The following BEST4 variants were observed in gnomAD, a reference collection of about 807,000 sequenced individuals.
BEST4 encodes bestrophin 4.
A neutral mutation model predicts 47.1 loss-of-function variants in BEST4; 36 were observed. The ratio of observed to expected loss-of-function variants is 0.76; its 90% CI spans 0.59 to 1.01. The LOEUF (loss-of-function observed/expected upper bound fraction) is 1.01, where lower values mean the gene tolerates loss of function less well. Ranked by LOEUF, BEST4 falls within the 50% of genes least tolerant of loss-of-function variation. The probability of loss-of-function intolerance (pLI) is 0.00; values close to 1 mark genes in which losing one functional copy is unlikely to be tolerated. For synonymous variants in BEST4, 250 were observed against 277.8 expected (o/e 0.90, Z 1.00); for missense variants, 550 against 648.6 (o/e 0.85, Z 1.65).
intron 4 of BEST4, 144 bp from the exon 5 acceptor site, chr1:44,785,820 C>T (rs369196660): frequency 2.4e-6 from 2 of 828,382 alleles, no homozygotes; most frequent in East Asian, 2.7e-5. Context: ...TGAATCCCAG[C>T]TCTGCTAACT....
upstream of BEST4, among the ~76,000 whole-genome samples, chr1:44,790,094 C>T (rs182630253): frequency 6.6e-6 from 1 of 152,302 alleles, no homozygotes; most frequent in East Asian, 1.9e-4. Context: ...TGCCTATGGC[C>T]TAAAGCACTG....
Position 44,784,757 on chromosome 1 carries a change from C to T in BEST4, c.1020G>A (p.Met340Ile). Residue 340 changes from methionine (M) to isoleucine (I), a missense_variant, in exon 8 of 9, where the codon ATG (methionine) becomes ATA (isoleucine). By Grantham distance (10) the Met-to-Ile change is conservative. Around this residue, in one of 3 missense-constraint regions of BEST4, gnomAD observed 255 missense variants for 286.6 expected, o/e 0.89. Transcript: ENST00000372207. This position sits in a 1 kb window ranked among gnomAD's most constrained non-coding sequence, Gnocchi z 6.2. ...TCTCAGCGGGGGGAAGGTTCTGGTA[C>T]ATTTCGTCCACGGATAGCAGGGACA... ...LQVSLLSVDE[M>I]YQNLPPAEKD... 1 of 1,597,428 alleles carries T rather than the reference C, an allele frequency of 6.3e-7. No individual in the cohort carries two copies. Among genetic ancestry groups the T allele is most frequent in the Non-Finnish European group, 8.5e-7 (1 of 1,170,920 alleles).
At position 44,784,201 on chromosome 1, in the gene BEST4, G is replaced by A. The variant is rs944433624; in HGVS notation, c.*9C>T. ...GGGTGGGGGAAACCGGGCGGGGGCA[G>A]GCGAGACCTCAGGGCTCCAGGGCCT... is the stretch of plus-strand genomic sequence containing the variant. On this transcript the variant is annotated 3_prime_UTR_variant, in exon 9 of 9. Coordinates refer to ENST00000372207, the MANE Select transcript of BEST4 (RefSeq NM_153274.3). This position sits in a 1 kb window ranked among gnomAD's most constrained non-coding sequence, Gnocchi z 6.2. The A allele has an allele frequency of 7.8e-6, 11 of 1,415,172 alleles. No homozygotes were observed. In the African/African-American group the frequency reaches 1.5e-4, roughly 19 times the overall value. 87.7% of individuals were successfully genotyped at this position (1,415,172 alleles called of 1,614,324 possible).
In BEST4 at chr1:44,787,734, C is replaced by A; in HGVS notation, c.-29G>T. The A allele has an allele frequency of 6.2e-7, 1 of 1,613,102 alleles. No homozygotes were observed. Among genetic ancestry groups the A allele is most frequent in the Non-Finnish European group, 8.5e-7 (1 of 1,179,824 alleles). ...GCTGGGAGCCTGGGGCAGGAGGTCA[C>A]AAGAGTTGCCCCCAGGGCTGTCGTT... is the stretch of plus-strand genomic sequence containing the variant. On this transcript the variant is annotated 5_prime_UTR_variant, in exon 1 of 9. Transcript: ENST00000372207.
chr1:44,783,985 C>T lies in BEST4; in HGVS notation c.*225G>A. ...TGCCTGGGCTCATTTATTTTTCTAG[C>T]TTCACGTCCCCCAAGCAACCGACCT... On this transcript the variant is annotated 3_prime_UTR_variant, in exon 9 of 9. Transcript: ENST00000372207. The T allele has an allele frequency of 2.3e-6, 1 of 443,490 alleles. No individual in the cohort carries two copies. Among genetic ancestry groups the T allele is most frequent in the South Asian group, 6.3e-5 (1 of 15,996 alleles). 27.5% of individuals were successfully genotyped at this position (443,490 alleles called of 1,614,324 possible).
Position 44,786,781 on chromosome 1 carries a change from C to A in BEST4, c.248-85G>T, listed in dbSNP as rs948155405. ...GCGCCTCACCTCCCCCAGCAAAGGG[C>A]CTGGTCCAGGCCAGTTGAATCGTGG... On this transcript the variant is annotated intron_variant, in intron 2 of 8. Coordinates refer to ENST00000372207, the MANE Select transcript of BEST4 (RefSeq NM_153274.3). The surrounding 1 kb of genome is among the most constrained non-coding windows in gnomAD (Gnocchi z 4.9). The A allele has an allele frequency of 4.7e-6, 5 of 1,060,716 alleles. No homozygotes were observed. The highest frequency in any genetic ancestry group is 4.1e-6 in the Non-Finnish European group (3 of 728,648). 65.7% of individuals were successfully genotyped at this position (1,060,716 alleles called of 1,614,324 possible).
chr1:44,785,081 G>C (rs1166997477), intron 6 of BEST4, 27 bp downstream of exon 6: 2 of 1,611,070 alleles, frequency 1.2e-6, no homozygotes, highest in Middle Eastern at 1.7e-4. Flanking sequence ...CACAGAGCAG[G>C]CTGGCATGCC....
upstream of BEST4, among the ~76,000 whole-genome samples, chr1:44,790,469 A>G (rs1651382263): frequency 6.6e-6 from 1 of 152,108 alleles, no homozygotes; most frequent in African/African-American, 2.4e-5. Context: ...ACCCTCTAGG[A>G]AGCCTTCCAT....
chr1:44,784,609 G>A lies in BEST4; in HGVS notation c.1148+20C>T, dbSNP rs772092532. ...AGCGAGGACCCGCGTGCCGGGTCAG[G>A]CCCAGTGCAAGCCACTCACCGCAGG... On this transcript the variant is annotated intron_variant, in intron 8 of 8. Transcript: ENST00000372207. The surrounding 1 kb of genome is among the most constrained non-coding windows in gnomAD (Gnocchi z 6.2). 1.2e-6 allele frequency: 2 copies of A among 1,609,020 alleles called. No individual in the cohort carries two copies. Among genetic ancestry groups the A allele is most frequent in the Non-Finnish European group, 8.5e-7 (1 of 1,178,190 alleles).
rs1271940195 is a variant in BEST4 at position 44,784,139 on chromosome 1, G to A, written c.*71C>T. On this transcript the variant is annotated 3_prime_UTR_variant, in exon 9 of 9. Transcript: ENST00000372207. This position sits in a 1 kb window ranked among gnomAD's most constrained non-coding sequence, Gnocchi z 6.2. ...AGGAAAAGCTGCTCTAATAGAGCTGGCTGGCAGGACCGGGCACGGGAGGGA... is the reference window on the plus strand; with the variant it reads ...AGGAAAAGCTGCTCTAATAGAGCTGACTGGCAGGACCGGGCACGGGAGGGA... The A allele has an allele frequency of 7.6e-6, 10 of 1,323,502 alleles. No homozygotes were observed. The Admixed American group carries it at 2.8e-4, about 37-fold the overall frequency. 82.0% of individuals were successfully genotyped at this position (1,323,502 alleles called of 1,614,324 possible). A position where few individuals can be genotyped will look rare whatever the true frequency, so the allele number is the denominator to read the frequency against.
upstream of BEST4, among the ~76,000 whole-genome samples, chr1:44,788,226 C>A (rs1042888705): frequency 5.6e-4 from 86 of 152,336 alleles, 1 homozygote; most frequent in African/African-American, 2.0e-3. Flanking sequence ...TAAAGTTAGG[C>A]TGGACTGAGG....
upstream of BEST4, among the ~76,000 whole-genome samples, chr1:44,788,726 C>T (rs745408929): frequency 8.5e-5 from 13 of 152,214 alleles, no homozygotes; most frequent in Non-Finnish European, 1.6e-4. Context: ...AGCTCCAGGA[C>T]CCATCCTGTG....
At chr1:44,792,148 A>T (rs552463690), upstream of BEST4, among the ~76,000 whole-genome samples, 2 of 152,166 alleles carry the variant, frequency 1.3e-5, no homozygotes, top group Non-Finnish European at 2.9e-5. Flanking sequence ...AGGCTGAGAC[A>T]GAAGAATCGC....
downstream of BEST4, among the ~76,000 whole-genome samples, chr1:44,782,528 G>A (rs565776807): frequency 3.3e-5 from 5 of 152,234 alleles, no homozygotes; most frequent in African/African-American, 1.2e-4. Flanking sequence ...TACTCGGGAG[G>A]CTGAGGCAGG....
At chr1:44,791,702 A>C (rs376448917), upstream of BEST4, among the ~76,000 whole-genome samples, 1 of 151,978 alleles carries the variant, frequency 6.6e-6, no homozygotes, top group Non-Finnish European at 1.5e-5. Flanking sequence ...ATGGTGCAGG[A>C]GAGGGAACCA....
chr1:44,792,521 A>T (rs530694198), upstream of BEST4, among the ~76,000 whole-genome samples: 6 of 152,238 alleles, frequency 3.9e-5, no homozygotes, highest in African/African-American at 1.4e-4. Context: ...TAATAGTATA[A>T]AGTGCTCACA....
chr1:44,785,202 G>A lies in BEST4; in HGVS notation c.818C>T (p.Pro273Leu), dbSNP rs1473217347. ...GAAKPQKLLKPGQEPAPALGD... is the reference protein window; with the variant it reads ...GAAKPQKLLKLGQEPAPALGD... Reference sequence around the variant, plus strand: ...CAGGGCTGGGGCTGGCTCCTGGCCTGGCTTCAGAAGCTTCTGAGGTTTGGC... The same window carrying A: ...CAGGGCTGGGGCTGGCTCCTGGCCTAGCTTCAGAAGCTTCTGAGGTTTGGC... Residue 273 changes from proline to leucine, a missense_variant, in exon 6 of 9, where the codon CCA (proline) becomes CTA (leucine). Pro to Leu is a moderately conservative substitution (Grantham distance 98, BLOSUM62 -3). Coordinates refer to ENST00000372207, the MANE Select transcript of BEST4 (RefSeq NM_153274.3). The A allele has an allele frequency of 1.2e-6, 2 of 1,613,878 alleles. No individual in the cohort carries two copies. The highest frequency in any genetic ancestry group is 2.2e-5 in the East Asian group (1 of 44,878).
chr1:44,792,225 G>A (rs993680071), upstream of BEST4, among the ~76,000 whole-genome samples: 1 of 151,974 alleles, frequency 6.6e-6, no homozygotes, highest in Admixed American at 6.6e-5. Flanking sequence ...TCAGGAGTTC[G>A]AGACCAGCCT....
In BEST4 at chr1:44,786,337, C is replaced by T. The variant is rs911600685; in HGVS notation, c.482-109G>A. 26 of 1,464,706 alleles carry T rather than the reference C, an allele frequency of 1.8e-5. No individual in the cohort carries two copies. The highest frequency in any genetic ancestry group is 3.7e-6 in the Non-Finnish European group (4 of 1,092,708). 90.7% of individuals were successfully genotyped at this position (1,464,706 alleles called of 1,614,324 possible). A position where few individuals can be genotyped will look rare whatever the true frequency, so the allele number is the denominator to read the frequency against. On this transcript the variant is annotated intron_variant, in intron 3 of 8. Coordinates refer to ENST00000372207, the MANE Select transcript of BEST4 (RefSeq NM_153274.3). The surrounding 1 kb of genome is among the most constrained non-coding windows in gnomAD (Gnocchi z 4.9). Reference sequence around the variant, plus strand: ...CGCGTCCACCGGCTGTCCCAGGACTCGCGGTTCCGCGTTCCTGTCGCAGTC... The same window carrying T: ...CGCGTCCACCGGCTGTCCCAGGACTTGCGGTTCCGCGTTCCTGTCGCAGTC...
Sources: allele counts gnomAD v4.1 joint callset (sites outside exome capture counted in the v4.1 genomes callset), GRCh38; gene constraint gnomAD v4.1.1; regional missense constraint gnomAD v4.1.1; non-coding constraint Gnocchi (gnomAD v3.1); transcripts MANE v1.5; gene names NCBI Gene and HGNC (gene_info 2026-07-23, HGNC 2026-07-21).